Variants in GRIK4 observed in about 807,000 individuals in gnomAD.
GRIK4 encodes glutamate receptor ionotropic, kainate 4.
In GRIK4, 40 loss-of-function variants were observed where a neutral mutation model predicts 104.9. That is an observed-to-expected ratio of 0.38 (90% CI 0.30 to 0.50). The LOEUF (loss-of-function observed/expected upper bound fraction) is 0.50, where lower values mean the gene tolerates loss of function less well. Among genes scored for constraint, GRIK4 ranks in the 20% least tolerant of loss-of-function variants. The pLI, the probability that GRIK4 is intolerant of heterozygous loss-of-function variation, is 0.93. For synonymous variants in GRIK4, 485 were observed against 524.9 expected, an observed-to-expected ratio of 0.92 and a Z score of 1.04; for missense variants, 1,047 against 1,308.1, an observed-to-expected ratio of 0.80 and a Z score of 3.08.
chr11:120,642,877 G>A (rs749127449), intron 1 of GRIK4, among the ~76,000 whole-genome samples: 1 of 152,180 alleles, frequency 6.6e-6, no homozygotes, highest in Non-Finnish European at 1.5e-5. Flanking sequence ...CAATAGGGAG[G>A]CATTAAATCT....
At chr11:120,928,825 G>C (rs1006859822) in intron 13 of GRIK4, among the ~76,000 whole-genome samples, 1 of 152,140 alleles carries the variant, frequency 6.6e-6, no homozygotes, top group African/African-American at 2.4e-5. Context: ...TTGGACCTGC[G>C]GATGACATTG....
At chr11:120,554,620 G>A (rs1335350361) in intron 1 of GRIK4, among the ~76,000 whole-genome samples, 1 of 151,350 alleles carries the variant, frequency 6.6e-6, no homozygotes, top group East Asian at 1.9e-4. Flanking sequence ...GTTCAGTGGC[G>A]CGATCTCTGC....
chr11:120,913,575 G>A (rs1299314392), intron 13 of GRIK4, among the ~76,000 whole-genome samples: 1 of 151,686 alleles, frequency 6.6e-6, no homozygotes, highest in Non-Finnish European at 1.5e-5. Flanking sequence ...GTACCCCGTT[G>A]GCATTCAACT....
intron 7 of GRIK4, among the ~76,000 whole-genome samples, chr11:120,832,895 C>T (rs539497046): frequency 3.3e-5 from 5 of 152,328 alleles, no homozygotes; most frequent in African/African-American, 9.6e-5. Context: ...TCGGAGAGAA[C>T]GGGCCCCGTT....
At chr11:120,740,544 C>T (rs191190881) in intron 3 of GRIK4, among the ~76,000 whole-genome samples, 1 of 152,322 alleles carries the variant, frequency 6.6e-6, no homozygotes, top group East Asian at 1.9e-4. Flanking sequence ...TATAGGGCCC[C>T]AGCTGGCAGA....
At chr11:120,575,832 A>G (rs1013668676) in intron 1 of GRIK4, 7 of 152,114 alleles carry the variant, frequency 4.6e-5, no homozygotes, top group African/African-American at 1.7e-4. Flanking sequence ...GCGTGGTAGC[A>G]TGTGCCTGTA....
At chr11:120,669,426 A>G (rs1949976418) in intron 3 of GRIK4, among the ~76,000 whole-genome samples, 1 of 151,964 alleles carries the variant, frequency 6.6e-6, no homozygotes, top group African/African-American at 2.4e-5. Flanking sequence ...TGGGCTCCTG[A>G]TTTTTCTTCT....
intron 11 of GRIK4, among the ~76,000 whole-genome samples, chr11:120,883,032 C>A (rs180893194): frequency 6.6e-6 from 1 of 152,184 alleles, no homozygotes; most frequent in Non-Finnish European, 1.5e-5. Context: ...TCCAGTGCTC[C>A]GTTTATGTGC....
At chr11:120,853,715 G>A (rs11218033) in intron 8 of GRIK4, among the ~76,000 whole-genome samples, 7,548 of 152,258 alleles carry the variant, frequency 0.05, 627 homozygotes, top group African/African-American at 0.17. Context: ...GTTAAAGAGC[G>A]ATACGGTCTT....
At chr11:120,699,539 ATG>A (rs57345739) in intron 3 of GRIK4, among the ~76,000 whole-genome samples, 21,995 of 144,856 alleles carry the variant, frequency 0.15, 2,026 homozygotes, top group Middle Eastern at 0.24. Flanking sequence ...AGGTGTGTGT[ATG>A]TGTGTGTGTG....
chr11:120,826,176 A>G (rs1035067009), intron 6 of GRIK4, among the ~76,000 whole-genome samples: 2 of 152,216 alleles, frequency 1.3e-5, no homozygotes, highest in African/African-American at 4.8e-5. Flanking sequence ...CAACATTCTC[A>G]TTATATGCAG....
chr11:120,656,001 A>G (rs1271822769), intron 2 of GRIK4, among the ~76,000 whole-genome samples: 1 of 152,186 alleles, frequency 6.6e-6, no homozygotes, highest in Non-Finnish European at 1.5e-5. Context: ...GTGGAGGAGA[A>G]TATACCATGG....
At chr11:120,661,057 C>G (rs561631473) in intron 3 of GRIK4, among the ~76,000 whole-genome samples, 3 of 152,278 alleles carry the variant, frequency 2.0e-5, no homozygotes, top group East Asian at 3.9e-4. Flanking sequence ...TGGGACTGAA[C>G]AAGACTTGTC....
At position 120,819,711 on chromosome 11, in the gene GRIK4, C is replaced by A; in HGVS notation, c.346-44C>A. Reference sequence around the variant, plus strand: ...CTCATCCCTCTTTCTTCCTTTTCACCCACCTGGATCCTCCCTGCTGTCCGT... The same window carrying A: ...CTCATCCCTCTTTCTTCCTTTTCACACACCTGGATCCTCCCTGCTGTCCGT... On this transcript the variant is annotated intron_variant, in intron 5 of 20. Coordinates refer to ENST00000527524, the MANE Select transcript of GRIK4 (RefSeq NM_014619.5). The surrounding 1 kb of genome is among the most constrained non-coding windows in gnomAD (Gnocchi z 4.3). 1 of 1,593,428 alleles carries A rather than the reference C, an allele frequency of 6.3e-7. No individual in the cohort carries two copies. Among genetic ancestry groups the A allele is most frequent in the Non-Finnish European group, 8.6e-7 (1 of 1,161,932 alleles).
chr11:120,796,695 G>A (rs1266026473), intron 3 of GRIK4, among the ~76,000 whole-genome samples: 2 of 152,150 alleles, frequency 1.3e-5, no homozygotes, highest in Non-Finnish European at 2.9e-5. Flanking sequence ...CTGTCACCTT[G>A]TTGGGGGTGG....
At chr11:120,600,379 G>T (rs1011496056) in intron 1 of GRIK4, among the ~76,000 whole-genome samples, 1 of 152,148 alleles carries the variant, frequency 6.6e-6, no homozygotes, top group Non-Finnish European at 1.5e-5. Context: ...GTTTTCCTGC[G>T]AATTAAACAA....
At position 120,956,687 on chromosome 11, in the gene GRIK4, C is replaced by T. The variant is rs547043885; in HGVS notation, c.1701-93C>T. 7.7e-5 allele frequency: 66 copies of T among 857,764 alleles called. No individual in the cohort carries two copies. The highest frequency in any genetic ancestry group is 4.5e-4 in the South Asian group (12 of 26,804). The allele number at this position is 857,764 out of a possible 1,614,324, so 53.1% of individuals were successfully genotyped here. On this transcript the variant is annotated intron_variant, in intron 15 of 20. Transcript: ENST00000527524. This position sits in a 1 kb window ranked among gnomAD's most constrained non-coding sequence, Gnocchi z 4.6. ...AAGTGGCTTGCCCAAGGCCACAGGC[C>T]GGTCTCAGAGGTGAGACCAGCCAGG...
intron 11 of GRIK4, among the ~76,000 whole-genome samples, chr11:120,889,372 C>T (rs897150612): frequency 6.6e-6 from 1 of 152,034 alleles, no homozygotes; most frequent in Non-Finnish European, 1.5e-5. Context: ...AGTGTTTTCA[C>T]CTGAATGTCA....
chr11:120,641,085 G>T (rs1008154096), intron 1 of GRIK4, among the ~76,000 whole-genome samples: 1 of 152,248 alleles, frequency 6.6e-6, no homozygotes, highest in African/African-American at 2.4e-5. Flanking sequence ...GAACTTCGTG[G>T]CATAGCCACT....
Sources: gnomAD v4.1 joint callset for allele counts (sites outside exome capture counted in the v4.1 genomes callset) on GRCh38, gnomAD v4.1.1 for gene constraint, Gnocchi (gnomAD v3.1) non-coding constraint, MANE v1.5 for transcripts, NCBI Gene and HGNC (gene_info 2026-07-23, HGNC 2026-07-21) for gene names.